SANBR: variants seen among roughly 807,000 people sequenced by gnomAD.
SANBR encodes the protein SANT and BTB domain regulator of class switch recombination.
SANBR carries 77 observed loss-of-function variants against 101.8 expected under a neutral mutation model. The observed-to-expected ratio is 0.76, with a 90% CI of 0.63 to 0.91. The LOEUF (loss-of-function observed/expected upper bound fraction) is 0.91, where lower values mean the gene tolerates loss of function less well. Ranked by LOEUF, SANBR falls within the 40% of genes least tolerant of loss-of-function variation. The pLI is 0.00. For missense variants in SANBR, 875 were observed against 853.0 expected (o/e 1.03, Z -0.32); for synonymous variants, 279 against 274.7 (o/e 1.02, Z -0.15).
chr2:61,089,081 T>G (rs895441778), intron 10 of SANBR: 1 of 978,982 alleles, frequency 1.0e-6, no homozygotes, highest in African/African-American at 1.8e-5. Flanking sequence ...CTAACAGATT[T>G]TAGTTATCTG....
At chr2:61,075,209 GACATGAAGAC>G (rs1681704435) in intron 5 of SANBR, 1 of 152,272 alleles carries the variant, frequency 6.6e-6, no homozygotes, top group African/African-American at 2.4e-5. Flanking sequence ...CTTTTGTAAT[GACATGAAGAC>G]AGATGTAGAT....
At chr2:61,112,148 TGCATCTCTACAA>T (rs898380416) in intron 16 of SANBR, among the ~76,000 whole-genome samples, 3 of 152,204 alleles carry the variant, frequency 2.0e-5, no homozygotes, top group Non-Finnish European at 4.4e-5. Flanking sequence ...GTGGCCGTTT[TGCATCTCTACAA>T]GCAGTGGAGC....
intron 1 of SANBR, among the ~76,000 whole-genome samples, chr2:61,067,111 G>A (rs1049349814): frequency 2.0e-5 from 3 of 152,188 alleles, no homozygotes; most frequent in East Asian, 3.8e-4. Context: ...TCAATGCTAT[G>A]CCTTTTATAC....
rs1358287844 is a variant in SANBR, at chr2:61,076,974, T to C, written c.486T>C (p.Phe162=). ...AAGCAAAAAACTTGAAAGAAGATTTTACTTGCCCGCGAGATCTTTTGATAT... is the reference window on the plus strand; with the variant it reads ...AAGCAAAAAACTTGAAAGAAGATTTCACTTGCCCGCGAGATCTTTTGATAT... The part of the protein sequence containing the change: ...CDEAKNLKED[F]TCPRDLLISE... Residue 162 remains phenylalanine (F), a synonymous_variant, in exon 6 of 22, where the codon TTT becomes TTC. Transcript: ENST00000402291. The C allele has an allele frequency of 1.2e-6, 2 of 1,614,202 alleles. No individual in the cohort carries two copies. Among genetic ancestry groups the C allele is most frequent in the Non-Finnish European group, 1.7e-6 (2 of 1,180,042 alleles).
chr2:61,081,389 A>AGCCT, intron 6 of SANBR, 63 bp from the exon 7 acceptor site: 1 of 1,469,122 alleles, frequency 6.8e-7, no homozygotes, highest in Non-Finnish European at 9.2e-7. Flanking sequence ...GGTAAGAAGG[A>AGCCT]GCCTGTTCAG....
At position 61,094,456 on chromosome 2, in the gene SANBR, G is replaced by A. The variant is rs1682928058; in HGVS notation, c.1212+1869G>A. Among the ~76,000 whole-genome samples, 3 of 151,954 alleles carry A rather than the reference G, an allele frequency of 2.0e-5. No individual in the cohort carries two copies. The South Asian group carries it at 6.2e-4, about 32-fold the overall frequency. On this transcript the variant is annotated intron_variant, in intron 11 of 21. Coordinates refer to ENST00000402291, the MANE Select transcript of SANBR (RefSeq NM_001129993.3). ...TCCATGTTGTTTCATAAATTAGTTT[G>A]TTCTTTTTTATGGCTAAGTAGTAGT...
chr2:61,130,928 T>TAAAAAA (rs1684667653), intron 20 of SANBR, among the ~76,000 whole-genome samples: 1 of 7,714 alleles, frequency 1.3e-4, no homozygotes, highest in African/African-American at 4.1e-4. Context: ...AGACTCTGTC[T>TAAAAAA]CAAAAAAAAA....
chr2:61,117,368 A>G lies in SANBR; in HGVS notation c.1848A>G (p.Arg616=). 1 of 1,613,822 alleles carries G rather than the reference A, an allele frequency of 6.2e-7. No individual in the cohort carries two copies. The highest frequency in any genetic ancestry group is 1.1e-5 in the South Asian group (1 of 91,080). Residue 616 remains arginine (R), a synonymous_variant, in exon 18 of 22, where the codon AGA becomes AGG. Transcript: ENST00000402291. ...KEKALEKSAS[R]DVSPFVMSMQ... ...CTACTTTTTTTTAGTCAGCTTCTAG[A>G]GATGTGTCTCCTTTCGTGTGAGTAT...
chr2:61,070,299 G>T, intron 2 of SANBR, 43 bp from the exon 3 acceptor site: 1 of 1,425,752 alleles, frequency 7.0e-7, no homozygotes. Flanking sequence ...AAAACATTTG[G>T]ATTTCGGGTT....
At chr2:61,112,578 C>G (rs1436377634) in intron 16 of SANBR, among the ~76,000 whole-genome samples, 1 of 151,996 alleles carries the variant, frequency 6.6e-6, no homozygotes, top group Non-Finnish European at 1.5e-5. Context: ...ACTGCAACCT[C>G]TGCCTCCTGG....
intron 16 of SANBR, among the ~76,000 whole-genome samples, chr2:61,110,657 C>T (rs140754969): frequency 0.06 from 9,096 of 151,666 alleles, 942 homozygotes; most frequent in African/African-American, 0.21. Flanking sequence ...CCAGCCTGGG[C>T]GACACAGCGA....
chr2:61,081,306 T>G, intron 6 of SANBR, 146 bp from the exon 7 acceptor site: 6 of 714,640 alleles, frequency 8.4e-6, no homozygotes, highest in Non-Finnish European at 1.2e-5. Flanking sequence ...TTTTCTTTAT[T>G]TTATGTATCT....
At chr2:61,095,938 C>G (rs1305791730) in intron 11 of SANBR, among the ~76,000 whole-genome samples, 1 of 152,168 alleles carries the variant, frequency 6.6e-6, no homozygotes, top group African/African-American at 2.4e-5. Context: ...TCACCCCAGG[C>G]CTTGTGGGAC....
chr2:61,131,803 A>C (rs1435960924), intron 20 of SANBR, among the ~76,000 whole-genome samples: 1 of 152,268 alleles, frequency 6.6e-6, no homozygotes, highest in Non-Finnish European at 1.5e-5. Context: ...ACAAAGCTAC[A>C]ATAGTCAAGA....
At chr2:61,073,257 A>C (rs549578026) in intron 4 of SANBR, among the ~76,000 whole-genome samples, 5 of 152,156 alleles carry the variant, frequency 3.3e-5, no homozygotes, top group Non-Finnish European at 4.4e-5. Context: ...TAACATTAGC[A>C]ATTTATGATT....
At chr2:61,105,945 G>C (rs571073598) in intron 13 of SANBR, among the ~76,000 whole-genome samples, 1 of 152,062 alleles carries the variant, frequency 6.6e-6, no homozygotes, top group East Asian at 1.9e-4. Flanking sequence ...GCTGGGATTA[G>C]AGGCGTGACC....
chr2:61,097,820 G>A lies in SANBR; in HGVS notation c.1333G>A (p.Val445Ile). 1.2e-6 allele frequency: 2 copies of A among 1,613,020 alleles called. No individual in the cohort carries two copies. The highest frequency in any genetic ancestry group is 2.2e-5 in the South Asian group (2 of 90,946). The change falls in exon 12 of 22, where the codon GTT (valine) becomes ATT (isoleucine). Residue 445 changes from valine (V) to isoleucine (I), a missense_variant. Transcript: ENST00000402291. ...AATTTATCCCTGCTGTAACCAAAAG[G>A]TTCTTCGGTTTGATCCTACTCAGCT... ...TGIYPCCNQK[V>I]LRFDPTQLTK...
chr2:61,122,464 A>G lies in SANBR; in HGVS notation c.*302A>G. The G allele has an allele frequency of 1.6e-5, 18 of 1,093,308 alleles. No homozygotes were observed. The highest frequency in any genetic ancestry group is 2.0e-5 in the Non-Finnish European group (18 of 900,266). The allele number at this position is 1,093,308 out of a possible 1,614,324, so 67.7% of individuals were successfully genotyped here. On this transcript the variant is annotated 3_prime_UTR_variant, in exon 22 of 22. Transcript: ENST00000402291. Reference sequence around the variant, plus strand: ...TTTTCCTTTATTTATTTGAAAAAGAAAGGCCTAAACTGTCAGGTAGCCAAG... The same window carrying G: ...TTTTCCTTTATTTATTTGAAAAAGAGAGGCCTAAACTGTCAGGTAGCCAAG...
intron 20 of SANBR, among the ~76,000 whole-genome samples, chr2:61,130,065 A>G (rs866706474): frequency 1.1e-4 from 17 of 152,210 alleles, no homozygotes; most frequent in Middle Eastern, 3.4e-3. Context: ...GTTAAGATGT[A>G]TGTATGGTAA....
Sources: allele counts gnomAD v4.1 joint callset (sites outside exome capture counted in the v4.1 genomes callset), GRCh38; gene constraint gnomAD v4.1.1; transcripts MANE v1.5; gene names NCBI Gene and HGNC (gene_info 2026-07-23, HGNC 2026-07-21).